SOX5: variants seen among roughly 807,000 people sequenced by gnomAD.
SOX5 encodes the protein transcription factor SOX-5.
Under a neutral mutation model 92.0 loss-of-function variants are expected in SOX5, and 9 were observed. That is an observed-to-expected ratio of 0.10 (90% CI 0.06 to 0.17). SOX5 has a LOEUF of 0.17. Ranked by LOEUF, SOX5 falls within the 10% of genes least tolerant of loss-of-function variation. The pLI is 1.00. For synonymous variants in SOX5, 344 were observed against 336.3 expected (o/e 1.02, Z -0.25); for missense variants, 642 against 944.5 (o/e 0.68, Z 4.20).
chr12:23,949,764 CTG>C (rs1569217166), upstream of SOX5: 61 of 725,056 alleles, frequency 8.4e-5, no homozygotes, highest in Admixed American at 2.7e-4. Flanking sequence ...CTCTCTCTCT[CTG>C]TCTCTCTCTC....
chr12:24,524,377 A>G (rs1185031905), intron 1 of SOX5, among the ~76,000 whole-genome samples: 2 of 151,754 alleles, frequency 1.3e-5, no homozygotes, highest in African/African-American at 2.4e-5. Context: ...CTATCTATCT[A>G]TCTATCTATC....
chr12:23,795,434 T>C (rs1306477598), intron 3 of SOX5, among the ~76,000 whole-genome samples: 2 of 152,180 alleles, frequency 1.3e-5, no homozygotes, highest in African/African-American at 2.4e-5. Context: ...ACTATGTTCC[T>C]CAAATTTTAC....
At chr12:23,800,708 C>T (rs2095645242) in intron 3 of SOX5, among the ~76,000 whole-genome samples, 1 of 152,054 alleles carries the variant, frequency 6.6e-6, no homozygotes, top group African/African-American at 2.4e-5. Context: ...GGAAAAGAGC[C>T]TTGCAGCTGC....
At chr12:24,425,865 C>T (rs1012150618) in intron 1 of SOX5, among the ~76,000 whole-genome samples, 1 of 152,148 alleles carries the variant, frequency 6.6e-6, no homozygotes, top group African/African-American at 2.4e-5. Flanking sequence ...TTCAGGTCTC[C>T]AAACATTTAC....
intron 4 of SOX5, among the ~76,000 whole-genome samples, chr12:24,027,687 T>C (rs1469264301): frequency 1.3e-5 from 2 of 151,862 alleles, no homozygotes; most frequent in Non-Finnish European, 1.5e-5. Flanking sequence ...TGTAAGATGG[T>C]AAGTTTGAAG....
intron 3 of SOX5, among the ~76,000 whole-genome samples, chr12:23,777,962 T>C (rs2095159414): frequency 6.6e-6 from 1 of 152,184 alleles, no homozygotes; most frequent in Non-Finnish European, 1.5e-5. Flanking sequence ...TGTTTAAAGA[T>C]ACATACTTTT....
At chr12:24,416,614 A>G (rs947200071) in intron 1 of SOX5, among the ~76,000 whole-genome samples, 1 of 152,216 alleles carries the variant, frequency 6.6e-6, no homozygotes, top group Non-Finnish European at 1.5e-5. Flanking sequence ...AAAAAATGAG[A>G]TTATATGAGG....
chr12:24,336,316 C>A (rs1204031965), intron 2 of SOX5, among the ~76,000 whole-genome samples: 5 of 152,054 alleles, frequency 3.3e-5, no homozygotes, highest in Admixed American at 2.0e-4. Context: ...GATGGTCTTG[C>A]TCTCCTGACC....
chr12:24,324,323 G>T (rs753330429), intron 2 of SOX5, among the ~76,000 whole-genome samples: 6 of 151,872 alleles, frequency 4.0e-5, no homozygotes, highest in Non-Finnish European at 7.4e-5. Flanking sequence ...ATTGCCTTTG[G>T]TGAAAAGAAA....
At position 23,661,083 on chromosome 12, in the gene SOX5, T is replaced by C. The variant is rs1270924456; in HGVS notation, c.931+4361A>G. On this transcript the variant is annotated intron_variant, in intron 7 of 14. Coordinates refer to ENST00000451604, the MANE Select transcript of SOX5 (RefSeq NM_006940.6). ...TTCAGTTTGATACTTTGAGCCACTCTTTTATGATCAAGCCAGCTCTTTTAT... is the reference window on the plus strand; with the variant it reads ...TTCAGTTTGATACTTTGAGCCACTCCTTTATGATCAAGCCAGCTCTTTTAT... Among the ~76,000 whole-genome samples the C allele has an allele frequency of 2.6e-5, 4 of 152,234 alleles. No individual in the cohort carries two copies. The East Asian group carries it at 5.8e-4, about 22-fold the overall frequency.
intron 1 of SOX5, among the ~76,000 whole-genome samples, chr12:24,383,903 C>T (rs7968811): frequency 0.37 from 56,463 of 151,866 alleles, 10,618 homozygotes; most frequent in East Asian, 0.52. Context: ...CTAAGTGTTG[C>T]GGAAGGGAAC....
At chr12:24,160,297 T>C (rs779279645) in intron 4 of SOX5, among the ~76,000 whole-genome samples, 1 of 151,960 alleles carries the variant, frequency 6.6e-6, no homozygotes, top group Non-Finnish European at 1.5e-5. Context: ...GAAAAATATA[T>C]AGAAGAAAAA....
chr12:24,377,843 T>A (rs1195196867), intron 1 of SOX5, among the ~76,000 whole-genome samples: 7 of 152,332 alleles, frequency 4.6e-5, no homozygotes, highest in African/African-American at 1.7e-4. Flanking sequence ...AAGCCCCTAA[T>A]GAGTGCTGGT....
chr12:24,157,309 A>G (rs374049507), intron 4 of SOX5, among the ~76,000 whole-genome samples: 11 of 152,266 alleles, frequency 7.2e-5, no homozygotes, highest in African/African-American at 2.6e-4. Flanking sequence ...TACAATTATT[A>G]TAACACACTT....
chr12:23,747,326 T>C (rs1162480851), intron 4 of SOX5, among the ~76,000 whole-genome samples: 1 of 152,154 alleles, frequency 6.6e-6, no homozygotes, highest in African/African-American at 2.4e-5. Context: ...TTTCTACTTG[T>C]TTCCTTACTA....
At chr12:24,087,495 T>C (rs1484265801) in intron 4 of SOX5, among the ~76,000 whole-genome samples, 1 of 152,106 alleles carries the variant, frequency 6.6e-6, no homozygotes, top group African/African-American at 2.4e-5. Flanking sequence ...GTCAGGCAGA[T>C]TTACTTGGTT....
intron 4 of SOX5, among the ~76,000 whole-genome samples, chr12:24,205,630 A>C (rs1957947999): frequency 6.6e-6 from 1 of 152,110 alleles, no homozygotes; most frequent in African/African-American, 2.4e-5. Flanking sequence ...GCAAGTTCTC[A>C]CTCTGCCTCC....
At chr12:24,425,089 T>G (rs2136979200) in intron 1 of SOX5, among the ~76,000 whole-genome samples, 1 of 152,234 alleles carries the variant, frequency 6.6e-6, no homozygotes, top group Admixed American at 6.6e-5. Flanking sequence ...TTCAAAATGA[T>G]ATCAGAATTA....
chr12:23,814,719 C>T (rs2095951580), intron 3 of SOX5, among the ~76,000 whole-genome samples: 1 of 152,150 alleles, frequency 6.6e-6, no homozygotes, highest in African/African-American at 2.4e-5. Flanking sequence ...ATTAAATGAG[C>T]AATTCACAAA....
Sources: gnomAD v4.1 joint callset for allele counts (sites outside exome capture counted in the v4.1 genomes callset) on GRCh38, gnomAD v4.1.1 for gene constraint, MANE v1.5 for transcripts, NCBI Gene and HGNC (gene_info 2026-07-23, HGNC 2026-07-21) for gene names.